ANKRD30B: variants seen among roughly 807,000 people sequenced by gnomAD.
ANKRD30B encodes the protein ankyrin repeat domain-containing protein 30B.
ANKRD30B carries 144 observed loss-of-function variants against 202.2 expected under a neutral mutation model. That is an observed-to-expected ratio of 0.71 (90% CI 0.62 to 0.82). The LOEUF (loss-of-function observed/expected upper bound fraction) is 0.82, where lower values mean the gene tolerates loss of function less well. Among genes scored for constraint, ANKRD30B ranks in the 40% least tolerant of loss-of-function variants. ANKRD30B has a pLI of 0.00. For missense variants in ANKRD30B, 1,487 were observed against 1,669.1 expected (o/e 0.89, Z 1.90); for synonymous variants, 508 against 561.3 (o/e 0.91, Z 1.34).
the ANKRD30B span, among the ~76,000 whole-genome samples, chr18:14,894,114 G>A: frequency 1.3e-5 from 2 of 152,118 alleles, no homozygotes; most frequent in Non-Finnish European, 2.9e-5. Context: ...TAGAGACTAT[G>A]CCCTAAATAG....
At chr18:14,807,620 C>T (rs1969602917) in intron 24 of ANKRD30B, among the ~76,000 whole-genome samples, 2 of 148,564 alleles carry the variant, frequency 1.3e-5, no homozygotes, top group African/African-American at 2.5e-5. Flanking sequence ...CCACCTGGGC[C>T]TCCTGGGTTC....
At chr18:14,917,422 C>T in the ANKRD30B span, among the ~76,000 whole-genome samples, 6 of 152,258 alleles carry the variant, frequency 3.9e-5, no homozygotes, top group East Asian at 1.9e-4. Flanking sequence ...TGTCTATCTG[C>T]GCTTCTCTTT....
At chr18:14,923,372 A>C in the ANKRD30B span, among the ~76,000 whole-genome samples, 1 of 151,870 alleles carries the variant, frequency 6.6e-6, no homozygotes, top group Non-Finnish European at 1.5e-5. Flanking sequence ...GCCTGGCAGT[A>C]CTCCCTGTGT....
the ANKRD30B span, among the ~76,000 whole-genome samples, chr18:14,860,705 A>G: frequency 6.6e-6 from 1 of 151,786 alleles, no homozygotes; most frequent in African/African-American, 2.4e-5. Context: ...AATGCCATCC[A>G]ATAATTTTTT....
chr18:14,920,456 A>T, the ANKRD30B span, among the ~76,000 whole-genome samples: 1 of 152,228 alleles, frequency 6.6e-6, no homozygotes, highest in South Asian at 2.1e-4. Flanking sequence ...TAGTGTCTAG[A>T]AAGACACACC....
In ANKRD30B at chr18:14,790,735, G is replaced by A. The variant is rs1045394055; in HGVS notation, c.1735-666G>A. On this transcript the variant is annotated intron_variant, in intron 15 of 43. Transcript: ENST00000690538. ...TGAACCAGCCTTGCATCCCAGGGAT[G>A]AAGCCCACTTGATCATGGTGGATAA... Among the ~76,000 whole-genome samples, 5 of 152,172 alleles carry A rather than the reference G, an allele frequency of 3.3e-5. No individual in the cohort carries two copies. The South Asian group carries it at 6.2e-4, about 19-fold the overall frequency.
intron 15 of ANKRD30B, among the ~76,000 whole-genome samples, chr18:14,790,371 T>G (rs1968401660): frequency 6.6e-6 from 1 of 152,198 alleles, no homozygotes. Flanking sequence ...CCTAATTGAA[T>G]ACCCTTTATT....
the ANKRD30B span, among the ~76,000 whole-genome samples, chr18:14,935,387 C>T: frequency 4.6e-5 from 7 of 152,284 alleles, no homozygotes; most frequent in African/African-American, 1.4e-4. Flanking sequence ...TCCAGAAGGT[C>T]GCCTGTCCAC....
the ANKRD30B span, among the ~76,000 whole-genome samples, chr18:14,892,178 AG>A: frequency 6.6e-6 from 1 of 152,212 alleles, no homozygotes; most frequent in African/African-American, 2.4e-5. Flanking sequence ...ATTTTCTTTT[AG>A]ATAAAAAGAG....
the ANKRD30B span, among the ~76,000 whole-genome samples, chr18:14,896,847 T>C: frequency 6.7e-6 from 1 of 149,170 alleles, no homozygotes; most frequent in Non-Finnish European, 1.5e-5. Context: ...CTTGATCTGA[T>C]TACTTTAATT....
At chr18:14,863,562 T>C in the ANKRD30B span, among the ~76,000 whole-genome samples, 2 of 151,824 alleles carry the variant, frequency 1.3e-5, no homozygotes, top group Non-Finnish European at 2.9e-5. Context: ...TCTCTATAAA[T>C]TTAAAAAAAA....
the ANKRD30B span, among the ~76,000 whole-genome samples, chr18:14,915,836 A>G: frequency 0.97 from 148,081 of 152,308 alleles, 72,137 homozygotes; most frequent in East Asian, 1. Flanking sequence ...TCCACAAGTC[A>G]AAAGTATTCA....
the ANKRD30B span, among the ~76,000 whole-genome samples, chr18:14,932,429 C>T: frequency 1.5e-4 from 23 of 152,248 alleles, no homozygotes; most frequent in Admixed American, 3.3e-4. Flanking sequence ...CTCCGCCTCC[C>T]GGGTTCACGA....
Position 14,853,951 on chromosome 18 carries a change from A to C in ANKRD30B, c.*33+8A>C, listed in dbSNP as rs1468416578. On this transcript the variant is annotated splice_region_variant and intron_variant, in intron 43 of 43. Transcript: ENST00000690538. The stretch of plus-strand genomic sequence containing the variant: ...ATCACATTAATCTCAAAGGTGAGAT[A>C]CAGGATTTAATGAGGAAATGATTTC... Among the ~76,000 whole-genome samples the C allele has an allele frequency of 2.6e-5, 4 of 152,198 alleles. No individual in the cohort carries two copies. Among genetic ancestry groups the C allele is most frequent in the African/African-American group, 7.2e-5 (3 of 41,452 alleles).
intron 24 of ANKRD30B, among the ~76,000 whole-genome samples, chr18:14,807,845 G>T (rs564193998): frequency 6.6e-6 from 1 of 150,984 alleles, no homozygotes; most frequent in Non-Finnish European, 1.5e-5. Flanking sequence ...ATTAGTTTGT[G>T]GATGGGTGTG....
chr18:14,805,499 A>G (rs1445622554), intron 24 of ANKRD30B, among the ~76,000 whole-genome samples: 1 of 150,398 alleles, frequency 6.6e-6, no homozygotes, highest in African/African-American at 2.5e-5. Flanking sequence ...GCATACGGGT[A>G]TGAAAATCAA....
the ANKRD30B span, among the ~76,000 whole-genome samples, chr18:14,922,799 G>A: frequency 6.6e-6 from 1 of 152,164 alleles, no homozygotes; most frequent in African/African-American, 2.4e-5. Context: ...GGTGGTAAGG[G>A]AGTGCTTGCA....
the ANKRD30B span, among the ~76,000 whole-genome samples, chr18:14,908,388 T>C: frequency 6.6e-6 from 1 of 152,124 alleles, no homozygotes; most frequent in African/African-American, 2.4e-5. Context: ...CTGCAGGCCC[T>C]CTCATCAGCC....
At chr18:14,939,419 G>C in the ANKRD30B span, among the ~76,000 whole-genome samples, 1 of 152,190 alleles carries the variant, frequency 6.6e-6, no homozygotes, top group East Asian at 1.9e-4. Flanking sequence ...AGGTGTGGGG[G>C]ATCCCTATGT....
Sources: allele counts gnomAD v4.1 joint callset (sites outside exome capture counted in the v4.1 genomes callset), GRCh38; gene constraint gnomAD v4.1.1; transcripts MANE v1.5; gene names NCBI Gene and HGNC (gene_info 2026-07-23, HGNC 2026-07-21).